SNCG: variants seen among roughly 807,000 people sequenced by gnomAD.
SNCG encodes the protein synuclein gamma.
In SNCG, 13 loss-of-function variants were observed where a neutral mutation model predicts 16.0. The ratio of observed to expected loss-of-function variants is 0.81; its 90% CI spans 0.53 to 1.29. The LOEUF (loss-of-function observed/expected upper bound fraction) is 1.29. Ranked by LOEUF, SNCG falls within the 50% of genes most tolerant of loss-of-function variation. The pLI is 0.00. For missense variants in SNCG, 154 were observed against 168.5 expected, an observed-to-expected ratio of 0.91 and a Z score of 0.48; for synonymous variants, 66 against 66.3, an observed-to-expected ratio of 1.00 and a Z score of 0.02.
In SNCG at chr10:86,963,011, C is replaced by G. The variant is rs766747178; in HGVS notation, c.*26C>G. ...AGGGCTACAGGCCAGCGTGGATGACCTGAAGAGCGCTCCTCTGCCTTGGAC... is the reference window on the plus strand; with the variant it reads ...AGGGCTACAGGCCAGCGTGGATGACGTGAAGAGCGCTCCTCTGCCTTGGAC... On this transcript the variant is annotated 3_prime_UTR_variant, in exon 5 of 5. Transcript: ENST00000372017. The G allele has an allele frequency of 2.3e-5, 37 of 1,595,306 alleles. No homozygotes were observed. The South Asian group carries it at 3.4e-4, about 15-fold the overall frequency.
At chr10:86,957,558 G>T (rs755629156), upstream of SNCG, 17 of 1,596,930 alleles carry the variant, frequency 1.1e-5, no homozygotes, top group African/African-American at 1.3e-5. Flanking sequence ...GGTGGGGCAG[G>T]CTCAGCTCAC....
Position 86,959,531 on chromosome 10 carries a change from C to T in SNCG, c.122-102C>T, listed in dbSNP as rs892834905. ...GGCCCCCAGACACCATCCTTACCCC[C>T]CCACCGACCCCACAGTTTGTCCAGC... On this transcript the variant is annotated intron_variant, in intron 1 of 4. Transcript: ENST00000372017. The surrounding 1 kb of genome is among the most constrained non-coding windows in gnomAD (Gnocchi z 4.3). 6 of 1,035,662 alleles carry T rather than the reference C, an allele frequency of 5.8e-6. No homozygotes were observed. The highest frequency in any genetic ancestry group is 3.2e-5 in the African/African-American group (2 of 63,192). The allele number at this position is 1,035,662 out of a possible 1,614,324, so 64.2% of individuals were successfully genotyped here. A position where few individuals can be genotyped will look rare whatever the true frequency, so the allele number is the denominator to read the frequency against.
intron 3 of SNCG, among the ~76,000 whole-genome samples, chr10:86,960,790 G>A (rs1386781732): frequency 6.6e-6 from 1 of 152,156 alleles, no homozygotes; most frequent in Non-Finnish European, 1.5e-5. Context: ...CCCCAGGGAC[G>A]GGTGTTGGCT....
chr10:86,960,238 C>A, intron 3 of SNCG, 110 bp downstream of exon 3: 1 of 1,104,258 alleles, frequency 9.1e-7, no homozygotes, highest in Non-Finnish European at 1.3e-6. Flanking sequence ...CGGGGGGCTG[C>A]GGCTGGCTTC....
intron 3 of SNCG, among the ~76,000 whole-genome samples, chr10:86,960,875 G>T (rs998901550): frequency 6.6e-6 from 1 of 152,232 alleles, no homozygotes; most frequent in African/African-American, 2.4e-5. Flanking sequence ...TCATTTAATA[G>T]ACACAAAATC....
chr10:86,961,356 TC>T (rs1213935965), intron 3 of SNCG, among the ~76,000 whole-genome samples: 3 of 152,076 alleles, frequency 2.0e-5, no homozygotes, highest in Non-Finnish European at 2.9e-5. Context: ...AGTGTCGGCC[TC>T]CCTGGGCTGT....
chr10:86,958,919 G>A, intron 1 of SNCG, 101 bp downstream of exon 1: 4 of 1,341,896 alleles, frequency 3.0e-6, no homozygotes, highest in Non-Finnish European at 4.1e-6. Context: ...AGGCATTTTG[G>A]GAGGGGGCGA....
upstream of SNCG, chr10:86,957,794 T>C: frequency 3.9e-6 from 5 of 1,295,824 alleles, no homozygotes; most frequent in Non-Finnish European, 4.9e-6. Flanking sequence ...ACTCTGGGAA[T>C]GTGGTAGACA....
upstream of SNCG, chr10:86,958,102 G>A (rs992683410): frequency 3.7e-5 from 30 of 820,678 alleles, no homozygotes; most frequent in South Asian, 1.7e-4. Context: ...TCCTCCAACC[G>A]GTTTCATGGC....
chr10:86,963,225 T>TA lies in SNCG; in HGVS notation c.*243dup. 1 of 427,958 alleles carries TA rather than the reference T, an allele frequency of 2.3e-6. No homozygotes were observed. 26.5% of individuals were successfully genotyped at this position (427,958 alleles called of 1,614,324 possible). On this transcript the variant is annotated 3_prime_UTR_variant, in exon 5 of 5. Coordinates refer to ENST00000372017, the MANE Select transcript of SNCG (RefSeq NM_003087.3). ...CTTATGCTGCTGTGAATTTTTTTTTTAAATGATTCCAAATAAAACTTGAGC... is the reference window on the plus strand; with the variant it reads ...CTTATGCTGCTGTGAATTTTTTTTTTAAAATGATTCCAAATAAAACTTGAGC...
chr10:86,962,576 G>T (rs1361963778), intron 3 of SNCG, 28 bp from the exon 4 acceptor site: 1 of 1,569,084 alleles, frequency 6.4e-7, no homozygotes, highest in Non-Finnish European at 8.7e-7. Flanking sequence ...TCTCCACATG[G>T]TCTCATGCCC....
Position 86,959,478 on chromosome 10 carries a change from C to G in SNCG, c.122-155C>G. 1.5e-6 allele frequency: 1 copy of G among 668,068 alleles called. No homozygotes were observed. The highest frequency in any genetic ancestry group is 2.7e-6 in the Non-Finnish European group (1 of 369,228). The allele number at this position is 668,068 out of a possible 1,614,324, so 41.4% of individuals were successfully genotyped here. A position where few individuals can be genotyped will look rare whatever the true frequency, so the allele number is the denominator to read the frequency against. ...ATCCATCCACTTCTTCCAGACACAGCAGGAAGAGGCCCTCTGAAGGGGCCG... is the reference window on the plus strand; with the variant it reads ...ATCCATCCACTTCTTCCAGACACAGGAGGAAGAGGCCCTCTGAAGGGGCCG... On this transcript the variant is annotated intron_variant, in intron 1 of 4. Coordinates refer to ENST00000372017, the MANE Select transcript of SNCG (RefSeq NM_003087.3). This position sits in a 1 kb window ranked among gnomAD's most constrained non-coding sequence, Gnocchi z 4.3.
In SNCG at chr10:86,963,071, G is replaced by C; in HGVS notation, c.*86G>C. ...TCCTAGCACAAGGAGTGCCCGCCTT[G>C]AGTGACATGCGGCTGCCCACGCTCC... On this transcript the variant is annotated 3_prime_UTR_variant, in exon 5 of 5. Coordinates refer to ENST00000372017, the MANE Select transcript of SNCG (RefSeq NM_003087.3). 1 of 1,389,260 alleles carries C rather than the reference G, an allele frequency of 7.2e-7. No individual in the cohort carries two copies. The highest frequency in any genetic ancestry group is 9.8e-7 in the Non-Finnish European group (1 of 1,016,818). The allele number at this position is 1,389,260 out of a possible 1,614,324, so 86.1% of individuals were successfully genotyped here. A position where few individuals can be genotyped will look rare whatever the true frequency, so the allele number is the denominator to read the frequency against.
At chr10:86,957,762 T>C (rs1375142111), upstream of SNCG, 14 of 1,352,522 alleles carry the variant, frequency 1.0e-5, no homozygotes, top group Non-Finnish European at 1.3e-5. Flanking sequence ...CCAGTTCCTG[T>C]CCCTGAGGAC....
At chr10:86,958,592 CA>C (rs1844278043), upstream of SNCG, 1 of 1,359,194 alleles carries the variant, frequency 7.4e-7, no homozygotes, top group Non-Finnish European at 9.7e-7. Context: ...CAATAGGAGG[CA>C]TCGGGGACAG....
chr10:86,962,701 C>A (rs369914419), intron 4 of SNCG, 26 bp downstream of exon 4: 1 of 1,576,606 alleles, frequency 6.3e-7, no homozygotes, highest in Non-Finnish European at 8.7e-7. Flanking sequence ...CTGGGGTGCA[C>A]CATGGGGGGT....
upstream of SNCG, chr10:86,957,664 G>A (rs1301875342): frequency 1.4e-6 from 2 of 1,395,704 alleles, no homozygotes; most frequent in Non-Finnish European, 9.6e-7. Context: ...ACAAAGAGAG[G>A]AAGTGGCCTG....
At chr10:86,960,872 A>C (rs1434803953) in intron 3 of SNCG, among the ~76,000 whole-genome samples, 1 of 152,240 alleles carries the variant, frequency 6.6e-6, no homozygotes, top group Non-Finnish European at 1.5e-5. Flanking sequence ...AGTTCATTTA[A>C]TAGACACAAA....
chr10:86,956,670 G>A (rs933302806), upstream of SNCG, among the ~76,000 whole-genome samples: 17 of 152,226 alleles, frequency 1.1e-4, no homozygotes, highest in African/African-American at 3.9e-4. Flanking sequence ...GGGGCTGTTG[G>A]AGGGATGAAC....
Sources: gnomAD v4.1 joint callset for allele counts (sites outside exome capture counted in the v4.1 genomes callset) on GRCh38, gnomAD v4.1.1 for gene constraint, Gnocchi (gnomAD v3.1) non-coding constraint, MANE v1.5 for transcripts, NCBI Gene and HGNC (gene_info 2026-07-23, HGNC 2026-07-21) for gene names.